The following NAV2 variants were observed in gnomAD, a reference collection of about 807,000 sequenced individuals.
The protein encoded by NAV2 is helicase, APC down-regulated 1.
In NAV2, 54 loss-of-function variants were observed where a neutral mutation model predicts 223.2. The observed-to-expected ratio is 0.24, with a 90% CI of 0.19 to 0.30. The LOEUF is 0.30. NAV2 is among the 10% of genes least tolerant of loss of function. NAV2 has a pLI of 1.00. For missense variants in NAV2, 2,806 were observed against 3,147.5 expected (o/e 0.89, Z 2.60); for synonymous variants, 1,279 against 1,239.3 (o/e 1.03, Z -0.67).
chr11:19,879,768 G>A (rs1386751918), intron 4 of NAV2, 101 bp from the exon 5 acceptor site: 3 of 1,369,806 alleles, frequency 2.2e-6, no homozygotes, highest in African/African-American at 2.9e-5. Context: ...CAGGAAGCCT[G>A]TCATATCCTA....
chr11:19,462,209 G>A (rs1852192003), intron 1 of NAV2, among the ~76,000 whole-genome samples: 1 of 152,182 alleles, frequency 6.6e-6, no homozygotes. Flanking sequence ...ATCACCTGAA[G>A]GGCCTATTAA....
intron 1 of NAV2, among the ~76,000 whole-genome samples, chr11:19,460,229 G>A (rs1852106962): frequency 6.6e-6 from 1 of 152,192 alleles, no homozygotes; most frequent in African/African-American, 2.4e-5. Context: ...TGATTCCACT[G>A]AAGAGTTTGA....
rs576465953 is a variant in NAV2, at chr11:20,091,102, T to G, written c.5652+84T>G. The G allele has an allele frequency of 1.0e-4, 153 of 1,466,386 alleles. 1 individual carries two copies. The East Asian group carries it at 1.2e-3, about 12-fold the overall frequency. The allele number at this position is 1,466,386 out of a possible 1,614,324, so 90.8% of individuals were successfully genotyped here. A position where few individuals can be genotyped will look rare whatever the true frequency, so the allele number is the denominator to read the frequency against. ...CTGCTCTCCACTAAGCCCTGAGGGC[T>G]GCATCAGAATCTGGTGGCGGCCCTC... On this transcript the variant is annotated intron_variant, in intron 27 of 37. Transcript: ENST00000349880.
At chr11:19,909,775 G>A (rs968818717) in intron 6 of NAV2, among the ~76,000 whole-genome samples, 5 of 152,116 alleles carry the variant, frequency 3.3e-5, no homozygotes, top group Admixed American at 6.5e-5. Flanking sequence ...GACATCAGAC[G>A]AAGTAATAGT....
intron 3 of NAV2, among the ~76,000 whole-genome samples, chr11:19,868,115 G>A (rs910527733): frequency 6.6e-6 from 1 of 152,140 alleles, no homozygotes; most frequent in African/African-American, 2.4e-5. Context: ...GGGAATGAGT[G>A]GGGTCCCCAT....
At chr11:20,048,551 G>A (rs2153596877) in intron 14 of NAV2, among the ~76,000 whole-genome samples, 177 bp from the exon 15 acceptor site, 1 of 152,324 alleles carries the variant, frequency 6.6e-6, no homozygotes, top group South Asian at 2.1e-4. Flanking sequence ...ATGCACTAGT[G>A]TCTAGGCCCA....
intron 1 of NAV2, among the ~76,000 whole-genome samples, chr11:19,373,749 A>G (rs537968988): frequency 7.9e-5 from 12 of 152,224 alleles, no homozygotes; most frequent in Non-Finnish European, 1.3e-4. Context: ...CAAAAGCATT[A>G]TCTTCATGAT....
chr11:19,414,783 T>A (rs986712800), intron 1 of NAV2, among the ~76,000 whole-genome samples: 2 of 152,188 alleles, frequency 1.3e-5, no homozygotes, highest in African/African-American at 2.4e-5. Context: ...AACTCAGGAT[T>A]AAGAAACTCA....
At chr11:19,948,261 T>C (rs1480486751) in intron 9 of NAV2, among the ~76,000 whole-genome samples, 3 of 152,094 alleles carry the variant, frequency 2.0e-5, no homozygotes, top group Non-Finnish European at 4.4e-5. Context: ...AATTTTTGTA[T>C]TTTTAGTAGA....
At chr11:19,437,760 CAAATGTTTCTACCCATTAT>C (rs1168723533) in intron 1 of NAV2, among the ~76,000 whole-genome samples, 1 of 152,176 alleles carries the variant, frequency 6.6e-6, no homozygotes, top group Non-Finnish European at 1.5e-5. Context: ...CTCATCACTT[CAAATGTTTCTACCCATTAT>C]AAAGTTTTCT....
intron 3 of NAV2, among the ~76,000 whole-genome samples, chr11:19,861,287 CG>C (rs2061769777): frequency 6.6e-6 from 1 of 152,068 alleles, no homozygotes; most frequent in Non-Finnish European, 1.5e-5. Context: ...CATCAGGTTA[CG>C]GAGAAGGCCC....
chr11:20,069,223 G>T (rs2059240015), intron 22 of NAV2, among the ~76,000 whole-genome samples: 1 of 152,172 alleles, frequency 6.6e-6, no homozygotes, highest in Non-Finnish European at 1.5e-5. Flanking sequence ...TAACCAAAGA[G>T]AATAATTTGC....
At chr11:19,357,402 G>C (rs1166871545) in intron 1 of NAV2, among the ~76,000 whole-genome samples, 1 of 152,128 alleles carries the variant, frequency 6.6e-6, no homozygotes, top group Admixed American at 6.5e-5. Context: ...AACCTTTCTA[G>C]CCTCTCCATT....
rs546343270 is a variant in NAV2 at position 19,586,794 on chromosome 11, G to T, written c.75+235767G>T. Among the ~76,000 whole-genome samples the T allele has an allele frequency of 6.6e-5, 10 of 152,346 alleles. 1 individual carries two copies. Among genetic ancestry groups the T allele is most frequent in the African/African-American group, 2.4e-4 (10 of 41,582 alleles). On this transcript the variant is annotated intron_variant, in intron 1 of 37. Coordinates refer to the NAV2 transcript ENST00000360655. ...TAAGGGTCAGTCTGCCCCTACTGGGGGGTGCCTCCCAGTTAGGCTACTTGG... is the reference window on the plus strand; with the variant it reads ...TAAGGGTCAGTCTGCCCCTACTGGGTGGTGCCTCCCAGTTAGGCTACTTGG...
intron 1 of NAV2, among the ~76,000 whole-genome samples, chr11:19,482,329 T>C (rs868273477): frequency 6.6e-6 from 1 of 152,164 alleles, no homozygotes; most frequent in Non-Finnish European, 1.5e-5. Flanking sequence ...GTGTTGAGCC[T>C]CTAGTAATGA....
intron 1 of NAV2, among the ~76,000 whole-genome samples, chr11:19,473,167 A>G (rs1484310694): frequency 6.6e-6 from 1 of 152,174 alleles, no homozygotes; most frequent in Non-Finnish European, 1.5e-5. Context: ...GCCAGAAGCT[A>G]TGTGGCTTAG....
chr11:19,919,204 AAC>A (rs969396160), intron 6 of NAV2, among the ~76,000 whole-genome samples: 7 of 151,778 alleles, frequency 4.6e-5, no homozygotes, highest in African/African-American at 1.2e-4. Flanking sequence ...GATTCTCTGA[AAC>A]AAAATTTAAT....
At chr11:20,100,790 C>T in intron 31 of NAV2, 147 bp from the exon 32 acceptor site, 1 of 640,530 alleles carries the variant, frequency 1.6e-6, no homozygotes, top group Non-Finnish European at 2.7e-6. Flanking sequence ...CTCTCAGCCT[C>T]CAGTGTTCCT....
chr11:20,017,299 A>G (rs2054096363), intron 11 of NAV2, among the ~76,000 whole-genome samples: 1 of 152,128 alleles, frequency 6.6e-6, no homozygotes, highest in Non-Finnish European at 1.5e-5. Flanking sequence ...CAGCCCCTCC[A>G]GCACACCCAG....
Sources: gnomAD v4.1 joint callset for allele counts (sites outside exome capture counted in the v4.1 genomes callset) on GRCh38, gnomAD v4.1.1 for gene constraint, MANE v1.5 for transcripts, NCBI Gene and HGNC (gene_info 2026-07-23, HGNC 2026-07-21) for gene names.